Variants in CHLSN observed in about 807,000 individuals in gnomAD.
CHLSN encodes cholesin, also known as protein cholesin.
At chr7:1,016,191 A>G in the CHLSN span, among the ~76,000 whole-genome samples, 11 of 80,196 alleles carry the variant, frequency 1.4e-4, no homozygotes, top group South Asian at 3.8e-4. Flanking sequence ...ACACGCCAGC[A>G]CACAGCAGCG....
At chr7:1,038,945 G>T in the CHLSN span, among the ~76,000 whole-genome samples, 1 of 69,094 alleles carries the variant, frequency 1.4e-5, no homozygotes, top group Non-Finnish European at 3.1e-5. Flanking sequence ...CCTCTGCCCG[G>T]CCGCCCCTAC....
At chr7:990,512 C>T in the CHLSN span, among the ~76,000 whole-genome samples, 108 of 152,090 alleles carry the variant, frequency 7.1e-4, no homozygotes, top group Middle Eastern at 6.8e-3. Flanking sequence ...TTCCCACCTG[C>T]GCCACGTGAA....
the CHLSN span, among the ~76,000 whole-genome samples, chr7:1,027,599 G>T: frequency 6.6e-6 from 1 of 152,266 alleles, no homozygotes; most frequent in Non-Finnish European, 1.5e-5. Flanking sequence ...CCGTCCTCAG[G>T]AAGGCTCCCG....
chr7:1,036,568 G>A, the CHLSN span, among the ~76,000 whole-genome samples: 1 of 152,128 alleles, frequency 6.6e-6, no homozygotes, highest in African/African-American at 2.4e-5. Context: ...GGTGCAGGGT[G>A]TTGATAATGG....
At chr7:1,014,481 C>G in the CHLSN span, among the ~76,000 whole-genome samples, 1 of 152,258 alleles carries the variant, frequency 6.6e-6, no homozygotes, top group African/African-American at 2.4e-5. Context: ...CCGTGCTCCC[C>G]AGCGTGAGGC....
chr7:1,045,295 A>G, the CHLSN span: 1 of 152,396 alleles, frequency 6.6e-6, no homozygotes, highest in East Asian at 1.9e-4. Context: ...CATGCATGCT[A>G]CGTGGTGGAC....
chr7:1,093,076 C>G, the CHLSN span: 1 of 698,982 alleles, frequency 1.4e-6, no homozygotes, highest in South Asian at 1.5e-5. Flanking sequence ...TTGCTACAAT[C>G]CCAAAGCGCT....
the CHLSN span, among the ~76,000 whole-genome samples, chr7:1,040,451 C>T: frequency 0.07 from 10,684 of 152,176 alleles, 420 homozygotes; most frequent in Admixed American, 0.12. Flanking sequence ...GCTATGATTG[C>T]ACCACTGCAT....
chr7:1,119,274 C>T, the CHLSN span, among the ~76,000 whole-genome samples: 1 of 151,712 alleles, frequency 6.6e-6, no homozygotes, highest in Non-Finnish European at 1.5e-5. Context: ...CAACAATTCA[C>T]AAAAAACAAA....
the CHLSN span, among the ~76,000 whole-genome samples, chr7:1,046,314 A>G: frequency 6.6e-6 from 1 of 152,130 alleles, no homozygotes; most frequent in Non-Finnish European, 1.5e-5. Flanking sequence ...GCAGAAGGAA[A>G]TTATCACCCA....
the CHLSN span, chr7:1,021,429 C>T: frequency 1.0e-6 from 1 of 985,470 alleles, no homozygotes; most frequent in Admixed American, 6.1e-5. Context: ...CTCTGCCCAG[C>T]CTTCCTGTCT....
At chr7:994,264 TCTC>T in the CHLSN span, among the ~76,000 whole-genome samples, 1 of 152,094 alleles carries the variant, frequency 6.6e-6, no homozygotes, top group Non-Finnish European at 1.5e-5. Flanking sequence ...TTCAAGCGAT[TCTC>T]CTGACTCAGC....
the CHLSN span, among the ~76,000 whole-genome samples, chr7:1,013,292 A>C: frequency 6.6e-6 from 1 of 152,258 alleles, no homozygotes; most frequent in African/African-American, 2.4e-5. Context: ...AAATACTTTT[A>C]ACAAACTTGA....
At chr7:1,035,831 G>T in the CHLSN span, among the ~76,000 whole-genome samples, 1 of 152,172 alleles carries the variant, frequency 6.6e-6, no homozygotes, top group Non-Finnish European at 1.5e-5. Flanking sequence ...CATGAAACCT[G>T]CACACAGATA....
the CHLSN span, among the ~76,000 whole-genome samples, chr7:990,048 T>G: frequency 0.083 from 19 of 230 alleles, 3 homozygotes; most frequent in South Asian, 0.17. Flanking sequence ...GCAGTGTGAG[T>G]GGCGCGTGTG....
At chr7:1,120,588 T>C in the CHLSN span, among the ~76,000 whole-genome samples, 2 of 152,176 alleles carry the variant, frequency 1.3e-5, no homozygotes, top group South Asian at 4.1e-4. Flanking sequence ...CCACCGTACC[T>C]GGCCAGCAGC....
the CHLSN span, among the ~76,000 whole-genome samples, chr7:1,053,751 C>T: frequency 3.9e-5 from 6 of 152,132 alleles, no homozygotes; most frequent in African/African-American, 1.4e-4. Flanking sequence ...CGCTTGAACC[C>T]GGGAGGCGGA....
chr7:989,840 G>A, the CHLSN span, among the ~76,000 whole-genome samples: 8 of 148,096 alleles, frequency 5.4e-5, no homozygotes, highest in East Asian at 7.9e-4. Context: ...CGGTGTGGTC[G>A]GCAGTGTGAC....
chr7:1,071,871 A>G, the CHLSN span, among the ~76,000 whole-genome samples: 3 of 152,206 alleles, frequency 2.0e-5, no homozygotes, highest in African/African-American at 7.2e-5. Context: ...AGGACACCTT[A>G]GAAGGAGGGC....
Sources: allele counts gnomAD v4.1 joint callset (sites outside exome capture counted in the v4.1 genomes callset), GRCh38; gene constraint gnomAD v4.1.1; transcripts MANE v1.5; gene names NCBI Gene and HGNC (gene_info 2026-07-23, HGNC 2026-07-21).